STPG2: variants seen among roughly 807,000 people sequenced by gnomAD.
STPG2 encodes the protein sperm-tail PG-rich repeat-containing protein 2.
Under a neutral mutation model 54.2 loss-of-function variants are expected in STPG2, and 56 were observed. The observed-to-expected ratio is 1.03, with a 90% CI of 0.83 to 1.29. The LOEUF is 1.29. STPG2 is among the 50% of genes most tolerant of loss of function. The pLI, the probability that STPG2 is intolerant of heterozygous loss-of-function variation, is 0.00. For synonymous variants in STPG2, 200 were observed against 181.8 expected (o/e 1.10, Z -0.81); for missense variants, 596 against 544.9 (o/e 1.09, Z -0.93).
chr4:98,026,653 C>G (rs1240810767), intron 5 of STPG2, among the ~76,000 whole-genome samples: 1 of 152,174 alleles, frequency 6.6e-6, no homozygotes, highest in Non-Finnish European at 1.5e-5. Flanking sequence ...TAACTACATA[C>G]AGATAAACTC....
intron 10 of STPG2, among the ~76,000 whole-genome samples, chr4:97,661,573 T>G: frequency 6.6e-6 from 1 of 152,146 alleles, no homozygotes; most frequent in Non-Finnish European, 1.5e-5. Flanking sequence ...ATACAGGATA[T>G]TGGCCATCAA....
At chr4:97,722,887 TC>T (rs1474486174) in intron 9 of STPG2, among the ~76,000 whole-genome samples, 3 of 150,500 alleles carry the variant, frequency 2.0e-5, no homozygotes, top group African/African-American at 4.9e-5. Flanking sequence ...AAGTTTAGTC[TC>T]CCGGGTTCAC....
intron 8 of STPG2, among the ~76,000 whole-genome samples, chr4:97,909,752 T>C (rs1731607713): frequency 6.6e-6 from 1 of 152,174 alleles, no homozygotes; most frequent in African/African-American, 2.4e-5. Context: ...AATATATTCC[T>C]AATATAACAC....
At chr4:97,548,178 A>G (rs1731885693) in intron 4 of STPG2, among the ~76,000 whole-genome samples, 1 of 152,118 alleles carries the variant, frequency 6.6e-6, no homozygotes, top group Non-Finnish European at 1.5e-5. Flanking sequence ...AACAAAATAC[A>G]TGAGTAGTCT....
At chr4:97,800,446 A>T (rs1296419337) in intron 9 of STPG2, among the ~76,000 whole-genome samples, 1 of 152,048 alleles carries the variant, frequency 6.6e-6, no homozygotes, top group African/African-American at 2.4e-5. Flanking sequence ...CTGGAGATCC[A>T]CTCCAGACCC....
intron 10 of STPG2, among the ~76,000 whole-genome samples, chr4:97,667,681 TG>T (rs1185311892): frequency 1.3e-5 from 2 of 152,162 alleles, no homozygotes; most frequent in African/African-American, 4.8e-5. Flanking sequence ...TATAACTACA[TG>T]CCAAACCAAG....
chr4:98,072,613 T>TAAAATAAAATAAAAC (rs1553939187), intron 5 of STPG2, among the ~76,000 whole-genome samples: 212 of 135,264 alleles, frequency 1.6e-3, no homozygotes, highest in Admixed American at 2.2e-3. Context: ...TAAAATAAAA[T>TAAAATAAAATAAAAC]AAAACAAAAC....
intron 5 of STPG2, among the ~76,000 whole-genome samples, chr4:98,088,211 T>A (rs1210137032): frequency 6.6e-6 from 1 of 152,148 alleles, no homozygotes; most frequent in Non-Finnish European, 1.5e-5. Context: ...AAAGAAGAAG[T>A]TGGGGAGGTA....
At chr4:97,455,073 A>G (rs1729481929) in intron 4 of STPG2, among the ~76,000 whole-genome samples, 1 of 152,206 alleles carries the variant, frequency 6.6e-6, no homozygotes, top group African/African-American at 2.4e-5. Context: ...AAAAATCTAG[A>G]CACAGATCTT....
At chr4:98,075,090 T>G (rs911468868) in intron 5 of STPG2, among the ~76,000 whole-genome samples, 1 of 152,202 alleles carries the variant, frequency 6.6e-6, no homozygotes, top group African/African-American at 2.4e-5. Flanking sequence ...TGCTGATGTA[T>G]TTCCCATTTG....
At chr4:97,871,045 A>C (rs973186206) in intron 8 of STPG2, among the ~76,000 whole-genome samples, 3 of 151,116 alleles carry the variant, frequency 2.0e-5, no homozygotes, top group African/African-American at 4.8e-5. Context: ...CCAAAATTTA[A>C]AGAACGTAAT....
rs1477855468 is a variant in STPG2 at position 97,638,050 on chromosome 4, A to G, written c.1320+74649T>C. On this transcript the variant is annotated intron_variant, in intron 10 of 10. Transcript: ENST00000295268. ...CGCATCGCCAAGTCAATCCTAAGCC[A>G]AAAGAACAAAGCTGAAGCCATCACA... Among the ~76,000 whole-genome samples the G allele has an allele frequency of 2.6e-5, 4 of 152,310 alleles. No individual in the cohort carries two copies. In the East Asian group the frequency reaches 7.7e-4, roughly 29 times the overall value.
intron 9 of STPG2, among the ~76,000 whole-genome samples, chr4:97,832,273 C>G (rs1728492278): frequency 6.6e-6 from 1 of 152,096 alleles, no homozygotes; most frequent in Admixed American, 6.6e-5. Flanking sequence ...CAAAAAAAAG[C>G]ACATAATTAG....
At chr4:97,633,610 C>G (rs1015723899) in intron 10 of STPG2, 1 of 152,268 alleles carries the variant, frequency 6.6e-6, no homozygotes, top group South Asian at 2.1e-4. Context: ...GAGTGCCAGA[C>G]AGTGGGCGCA....
chr4:97,445,026 G>C (rs1023334581), intron 4 of STPG2, among the ~76,000 whole-genome samples: 13 of 152,212 alleles, frequency 8.5e-5, no homozygotes, highest in African/African-American at 3.1e-4. Flanking sequence ...GACAGAGCAA[G>C]ACTCCATCTC....
chr4:97,741,832 A>T (rs1298238380), intron 9 of STPG2, among the ~76,000 whole-genome samples: 2 of 152,080 alleles, frequency 1.3e-5, no homozygotes, highest in Non-Finnish European at 2.9e-5. Context: ...TAGAACTAGA[A>T]ATACCATTTG....
chr4:97,558,985 A>T lies in STPG2; in HGVS notation c.*73T>A. 1 of 1,269,138 alleles carries T rather than the reference A, an allele frequency of 7.9e-7. No homozygotes were observed. Among genetic ancestry groups the T allele is most frequent in the Non-Finnish European group, 1.1e-6 (1 of 888,432 alleles). 78.6% of individuals were successfully genotyped at this position (1,269,138 alleles called of 1,614,324 possible). ...TTTATTACTCCTATATTTGGAATAAATTTTGTTAAAATGACAAAGAAATAA... is the reference window on the plus strand; with the variant it reads ...TTTATTACTCCTATATTTGGAATAATTTTTGTTAAAATGACAAAGAAATAA... On this transcript the variant is annotated 3_prime_UTR_variant, in exon 11 of 11. Transcript: ENST00000295268.
intron 9 of STPG2, among the ~76,000 whole-genome samples, chr4:97,779,466 G>A (rs554434131): frequency 6.6e-6 from 1 of 152,280 alleles, no homozygotes; most frequent in Admixed American, 6.5e-5. Context: ...CGGTGTACCT[G>A]AAAGTGATGG....
intron 8 of STPG2, among the ~76,000 whole-genome samples, chr4:97,871,060 A>C (rs538018328): frequency 4.2e-4 from 64 of 151,234 alleles, no homozygotes; most frequent in Admixed American, 1.8e-3. Context: ...CGTAATACTA[A>C]ATAGCTCGAG....
Sources: gnomAD v4.1 joint callset for allele counts (sites outside exome capture counted in the v4.1 genomes callset) on GRCh38, gnomAD v4.1.1 for gene constraint, MANE v1.5 for transcripts, NCBI Gene and HGNC (gene_info 2026-07-23, HGNC 2026-07-21) for gene names.